CTNNA2: variants seen among roughly 807,000 people sequenced by gnomAD.
The protein encoded by CTNNA2 is catenin alpha 2.
CTNNA2 carries 42 observed loss-of-function variants against 101.0 expected under a neutral mutation model. The observed-to-expected ratio is 0.42, with a 90% confidence interval of 0.32 to 0.54. The LOEUF (loss-of-function observed/expected upper bound fraction) is 0.54. CTNNA2 is among the 20% of genes least tolerant of loss of function. The pLI is 0.14. For synonymous variants in CTNNA2, 450 were observed against 456.4 expected (o/e 0.99, Z 0.18); for missense variants, 871 against 1,223.1 (o/e 0.71, Z 4.29).
chr2:79,473,097 G>A (rs771290804), intron 4 of CTNNA2, among the ~76,000 whole-genome samples: 3 of 152,038 alleles, frequency 2.0e-5, no homozygotes, highest in Non-Finnish European at 2.9e-5. Context: ...TTCTGTTCAT[G>A]ATTACTTTTG....
intron 2 of CTNNA2, among the ~76,000 whole-genome samples, chr2:79,704,567 C>A (rs1182270056): frequency 6.9e-6 from 1 of 144,484 alleles, no homozygotes; most frequent in Non-Finnish European, 1.5e-5. Context: ...GGCTGGAGTG[C>A]AGTGGCACAA....
chr2:79,795,228 A>G (rs963347697), intron 3 of CTNNA2, among the ~76,000 whole-genome samples: 1 of 152,176 alleles, frequency 6.6e-6, no homozygotes, highest in Non-Finnish European at 1.5e-5. Flanking sequence ...ATATCTTTTT[A>G]TATAACATTG....
rs375901642 is a variant in CTNNA2 at position 80,337,389 on chromosome 2, C to T, written c.1057-55822C>T. On this transcript the variant is annotated intron_variant, in intron 7 of 18. Coordinates refer to ENST00000402739, the MANE Select transcript of CTNNA2 (RefSeq NM_001282597.3). ...CCAACCAAACAAACAAAAAAGTAAA[C>T]GGGATAAAAAAAAAAAGTCACAAGC... 2.1e-3 allele frequency among the ~76,000 whole-genome samples: 318 copies of T among 151,154 alleles called. 7 individuals are homozygous for T. In the South Asian group the frequency reaches 0.023, roughly 11 times the overall value.
At chr2:80,058,739 A>G (rs1697388490) in intron 7 of CTNNA2, among the ~76,000 whole-genome samples, 1 of 151,998 alleles carries the variant, frequency 6.6e-6, no homozygotes, top group Admixed American at 6.6e-5. Flanking sequence ...CAACTCTTTC[A>G]TTGCGCAAAT....
intron 7 of CTNNA2, among the ~76,000 whole-genome samples, chr2:80,327,400 C>T (rs1023503907): frequency 6.6e-6 from 1 of 152,162 alleles, no homozygotes; most frequent in African/African-American, 2.4e-5. Context: ...CTAACTCATC[C>T]TGTTCCAAAG....
intron 7 of CTNNA2, among the ~76,000 whole-genome samples, chr2:80,151,472 G>C (rs889291769): frequency 6.6e-6 from 1 of 152,146 alleles, no homozygotes; most frequent in African/African-American, 2.4e-5. Context: ...TACAGTAAGA[G>C]CCACAAAATA....
intron 7 of CTNNA2, among the ~76,000 whole-genome samples, chr2:80,119,112 AC>A (rs1701688501): frequency 6.6e-6 from 1 of 152,148 alleles, no homozygotes; most frequent in Admixed American, 6.6e-5. Context: ...GTCTTCAAAG[AC>A]CCTGACTTTT....
chr2:80,214,953 G>A (rs562942583), intron 7 of CTNNA2, among the ~76,000 whole-genome samples: 24 of 152,134 alleles, frequency 1.6e-4, no homozygotes, highest in South Asian at 6.2e-4. Flanking sequence ...GCCTTTGTTC[G>A]TTTCTTTTAC....
At chr2:80,006,988 G>A (rs1207934707) in intron 7 of CTNNA2, among the ~76,000 whole-genome samples, 1 of 152,008 alleles carries the variant, frequency 6.6e-6, no homozygotes, top group East Asian at 1.9e-4. Flanking sequence ...ATGCATTTGT[G>A]GCTAGTAATG....
chr2:80,238,649 C>T (rs191362779), intron 7 of CTNNA2, among the ~76,000 whole-genome samples: 33 of 152,230 alleles, frequency 2.2e-4, no homozygotes, highest in Admixed American at 9.8e-4. Context: ...AGAAAGTGAA[C>T]CTCTTTGCTT....
chr2:79,701,747 A>G lies in CTNNA2; in HGVS notation c.103-42640A>G, dbSNP rs140913481. Among the ~76,000 whole-genome samples the G allele has an allele frequency of 8.7e-3, 1,331 of 152,248 alleles. 9 individuals carry two copies. The highest frequency in any genetic ancestry group is 0.022 in the South Asian group (107 of 4,826). On this transcript the variant is annotated intron_variant, in intron 2 of 18. Coordinates refer to ENST00000402739, the MANE Select transcript of CTNNA2 (RefSeq NM_001282597.3). ...CCGGACATGATGGCTCATGCCTGTA[A>G]TCCCAGCACTTTGGAAGGCTGAGGC...
chr2:80,249,371 C>G (rs1671581976), intron 7 of CTNNA2, among the ~76,000 whole-genome samples: 2 of 152,146 alleles, frequency 1.3e-5, no homozygotes, highest in East Asian at 1.9e-4. Flanking sequence ...CTCCTTACTT[C>G]CCTTCCAAGC....
At chr2:80,188,944 CTTTTTT>C (rs34090029) in intron 7 of CTNNA2, among the ~76,000 whole-genome samples, 7 of 74,684 alleles carry the variant, frequency 9.4e-5, no homozygotes, top group Admixed American at 1.8e-4. Flanking sequence ...CAGGTGGTCA[CTTTTTT>C]TTTTTTTTTT....
intron 18 of CTNNA2, among the ~76,000 whole-genome samples, chr2:80,633,721 G>T: frequency 6.6e-6 from 1 of 152,136 alleles, no homozygotes; most frequent in Non-Finnish European, 1.5e-5. Context: ...AGCAATGATG[G>T]TATTCAACTT....
At chr2:79,555,728 A>G (rs1461073380) in intron 1 of CTNNA2, among the ~76,000 whole-genome samples, 1 of 152,090 alleles carries the variant, frequency 6.6e-6, no homozygotes, top group Non-Finnish European at 1.5e-5. Flanking sequence ...TGATATAATA[A>G]TTACTCAAAA....
chr2:80,608,894 G>T (rs216667), intron 17 of CTNNA2, among the ~76,000 whole-genome samples: 1 of 151,666 alleles, frequency 6.6e-6, no homozygotes, highest in South Asian at 2.1e-4. Flanking sequence ...CTCAATCACT[G>T]CAGTGTTTCC....
chr2:79,378,079 C>T (rs1677999217), intron 4 of CTNNA2, among the ~76,000 whole-genome samples: 1 of 152,122 alleles, frequency 6.6e-6, no homozygotes, highest in African/African-American at 2.4e-5. Flanking sequence ...ACAGTATTGA[C>T]CACAAGTATT....
At chr2:80,395,614 G>C (rs1677939063) in intron 8 of CTNNA2, among the ~76,000 whole-genome samples, 2 of 152,208 alleles carry the variant, frequency 1.3e-5, no homozygotes, top group Non-Finnish European at 2.9e-5. Context: ...CATAAGCTTA[G>C]ATGTGGGTAA....
chr2:79,850,589 T>G (rs887000885), intron 3 of CTNNA2, among the ~76,000 whole-genome samples: 1 of 152,144 alleles, frequency 6.6e-6, no homozygotes, highest in Non-Finnish European at 1.5e-5. Context: ...GATGTTAAAA[T>G]AAAGATATTT....
Sources: allele counts gnomAD v4.1 joint callset (sites outside exome capture counted in the v4.1 genomes callset), GRCh38; gene constraint gnomAD v4.1.1; transcripts MANE v1.5; gene names NCBI Gene and HGNC (gene_info 2026-07-23, HGNC 2026-07-21).